Variants in CHD7 observed in about 807,000 individuals in gnomAD.
CHD7 encodes chromodomain helicase DNA binding protein 7.
In CHD7, 24 loss-of-function variants were observed where a neutral mutation model predicts 307.3. The observed-to-expected ratio is 0.08, with a 90% confidence interval of 0.06 to 0.11. CHD7 has a LOEUF of 0.11. Among genes scored for constraint, CHD7 ranks in the 10% least tolerant of loss-of-function variants. The pLI is 1.00. For synonymous variants in CHD7, 1,363 were observed against 1,349.9 expected (o/e 1.01, Z -0.21); for missense variants, 3,106 against 3,727.1 (o/e 0.83, Z 4.34).
intron 1 of CHD7, among the ~76,000 whole-genome samples, chr8:60,728,052 C>A (rs1328466677): frequency 6.6e-6 from 1 of 152,216 alleles, no homozygotes; most frequent in Non-Finnish European, 1.5e-5. Flanking sequence ...AACTGGTCTT[C>A]CAGGCTCCAG....
At chr8:60,811,895 T>A (rs1423288201) in intron 7 of CHD7, among the ~76,000 whole-genome samples, 1 of 152,268 alleles carries the variant, frequency 6.6e-6, no homozygotes, top group Non-Finnish European at 1.5e-5. Context: ...AGTTGAGGTT[T>A]TAATTAGCAT....
At chr8:60,841,612 C>T (rs958419816) in intron 19 of CHD7, 32 bp from the exon 20 acceptor site, 5 of 1,550,824 alleles carry the variant, frequency 3.2e-6, no homozygotes, top group Non-Finnish European at 4.5e-6. Flanking sequence ...AGAAAGGCCT[C>T]TCAAAGTAAT....
intron 2 of CHD7, among the ~76,000 whole-genome samples, chr8:60,748,648 C>T (rs78115374): frequency 0.015 from 2,255 of 152,294 alleles, 19 homozygotes; most frequent in Middle Eastern, 0.054. Flanking sequence ...GTGGATTGTT[C>T]TTAAGGTTAC....
rs1064794649 is a variant in CHD7 at position 60,856,818 on chromosome 8, G to A, written c.7538G>A (p.Arg2513Gln). 7.5e-6 allele frequency: 12 copies of A among 1,597,434 alleles called. No individual in the cohort carries two copies. Among genetic ancestry groups the A allele is most frequent in the Admixed American group, 3.5e-5 (2 of 57,236 alleles). The change falls in exon 34 of 38, where the codon CGG (arginine) becomes CAG (glutamine). Residue 2513 changes from arginine (R) to glutamine (Q), a missense_variant. By Grantham distance (43) the Arg-to-Gln change is conservative. Coordinates refer to ENST00000423902, the MANE Select transcript of CHD7 (RefSeq NM_017780.4). Reference protein sequence around the residue: ...VDGEPPMKRRRGRRKNVEGLD... With the variant: ...VDGEPPMKRRQGRRKNVEGLD... ...GGAGAGCCTCCCATGAAGAGGAGGCGGGGAAGGAGGAAAAATGTGGAGGGA... is the reference window on the plus strand; with the variant it reads ...GGAGAGCCTCCCATGAAGAGGAGGCAGGGAAGGAGGAAAAATGTGGAGGGA...
chr8:60,862,335 A>G lies in CHD7; in HGVS notation c.7970A>G (p.Lys2657Arg), dbSNP rs768936388. ...GTTGTCAATAAACGAAATGGGAAGA[A>G]GGTAAACGCTGGGAAAGGGAATTGA... The part of the protein sequence containing the change: ...VPVVNKRNGK[K>R]MGGAMAPPMK... The change falls in exon 36 of 38, where the codon AAG (lysine) becomes AGG (arginine). Residue 2657 changes from lysine (K) to arginine (R), a missense_variant and splice_region_variant. By Grantham distance (26) the Lys-to-Arg change is conservative. Coordinates refer to ENST00000423902, the MANE Select transcript of CHD7 (RefSeq NM_017780.4). The G allele has an allele frequency of 1.2e-6, 2 of 1,600,258 alleles. No individual in the cohort carries two copies. The highest frequency in any genetic ancestry group is 1.7e-6 in the Non-Finnish European group (2 of 1,173,790).
In CHD7 at chr8:60,816,573, C is replaced by T. The variant is rs1803759254; in HGVS notation, c.2613+72C>T. On this transcript the variant is annotated intron_variant, in intron 8 of 37. Coordinates refer to ENST00000423902, the MANE Select transcript of CHD7 (RefSeq NM_017780.4). Reference sequence around the variant, plus strand: ...TGTTCTAAATTTAAAATTTTAGTTCCATGAATTAAGAAAAACTAGTTAGTC... The same window carrying T: ...TGTTCTAAATTTAAAATTTTAGTTCTATGAATTAAGAAAAACTAGTTAGTC... 4.4e-6 allele frequency: 4 copies of T among 913,706 alleles called. No homozygotes were observed. The South Asian group carries it at 6.3e-5, about 14-fold the overall frequency. 56.6% of individuals were successfully genotyped at this position (913,706 alleles called of 1,614,324 possible).
rs1029330048 is a variant in CHD7, at chr8:60,680,918, C to T, written c.-175+1836C>T. 2.0e-5 allele frequency among the ~76,000 whole-genome samples: 3 copies of T among 152,152 alleles called. No individual in the cohort carries two copies. The South Asian group carries it at 6.2e-4, about 31-fold the overall frequency. Reference sequence around the variant, plus strand: ...GGGGCTTAATTTCTGGAATACATTACATGTCTTAATTTATTTTTAAAGGAT... The same window carrying T: ...GGGGCTTAATTTCTGGAATACATTATATGTCTTAATTTATTTTTAAAGGAT... On this transcript the variant is annotated intron_variant, in intron 1 of 37. Transcript: ENST00000423902.
intron 6 of CHD7, among the ~76,000 whole-genome samples, chr8:60,802,034 A>C (rs1812338387): frequency 6.6e-6 from 1 of 152,188 alleles, no homozygotes; most frequent in African/African-American, 2.4e-5. Flanking sequence ...TCTCATATAC[A>C]ATTGAATTAT....
chr8:60,753,887 A>G (rs751712441), intron 2 of CHD7, among the ~76,000 whole-genome samples: 1 of 151,994 alleles, frequency 6.6e-6, no homozygotes, highest in Non-Finnish European at 1.5e-5. Context: ...AGCCTCCCAA[A>G]GTGCTGGGTT....
intron 15 of CHD7, among the ~76,000 whole-genome samples, chr8:60,832,726 T>G (rs1333758713): frequency 2.0e-5 from 3 of 152,220 alleles, no homozygotes; most frequent in Non-Finnish European, 2.9e-5. Context: ...CCCTGTTTGG[T>G]CATATGTTAA....
intron 1 of CHD7, among the ~76,000 whole-genome samples, chr8:60,726,843 A>T (rs1808185842): frequency 6.6e-6 from 1 of 152,192 alleles, no homozygotes; most frequent in Non-Finnish European, 1.5e-5. Flanking sequence ...TCCTTCAGCC[A>T]TCTGCACCCA....
At chr8:60,730,899 A>G (rs1808419574) in intron 1 of CHD7, among the ~76,000 whole-genome samples, 1 of 152,208 alleles carries the variant, frequency 6.6e-6, no homozygotes, top group African/African-American at 2.4e-5. Context: ...AATTCCAGAA[A>G]TAACTCCTAA....
chr8:60,727,944 C>T (rs1229136459), intron 1 of CHD7, among the ~76,000 whole-genome samples: 1 of 152,222 alleles, frequency 6.6e-6, no homozygotes, highest in Non-Finnish European at 1.5e-5. Context: ...GTTGTCATCC[C>T]AGACTCTCCA....
chr8:60,798,093 TGA>T (rs1278539108), intron 4 of CHD7, among the ~76,000 whole-genome samples: 1 of 152,224 alleles, frequency 6.6e-6, no homozygotes. Context: ...CAAGGTCACA[TGA>T]TAAGAGTCGG....
Position 60,722,477 on chromosome 8 carries a change from G to A in CHD7, c.-174-18782G>A, listed in dbSNP as rs1206372318. On this transcript the variant is annotated intron_variant, in intron 1 of 37. Coordinates refer to ENST00000423902, the MANE Select transcript of CHD7 (RefSeq NM_017780.4). ...AATGTTATCAACCAGTAATAAGGTTGCAAATCATTTAGAGCTATGGTTTTC... is the reference window on the plus strand; with the variant it reads ...AATGTTATCAACCAGTAATAAGGTTACAAATCATTTAGAGCTATGGTTTTC... 3.3e-5 allele frequency among the ~76,000 whole-genome samples: 5 copies of A among 152,296 alleles called. No homozygotes were observed. In the South Asian group the frequency reaches 1.0e-3, roughly 32 times the overall value.
chr8:60,810,727 T>C (rs762516199), intron 7 of CHD7, among the ~76,000 whole-genome samples: 1 of 152,200 alleles, frequency 6.6e-6, no homozygotes, highest in Non-Finnish European at 1.5e-5. Flanking sequence ...TTTGAGGGCA[T>C]AGGGACTAAA....
chr8:60,754,701 T>C, intron 2 of CHD7, among the ~76,000 whole-genome samples: 1 of 152,234 alleles, frequency 6.6e-6, no homozygotes, highest in East Asian at 1.9e-4. Context: ...AAATACTAGC[T>C]GCTTTCTAAG....
intron 8 of CHD7, among the ~76,000 whole-genome samples, chr8:60,819,120 AT>A (rs1803898295): frequency 6.6e-6 from 1 of 151,846 alleles, no homozygotes; most frequent in Non-Finnish European, 1.5e-5. Flanking sequence ...TGCCCAGCTT[AT>A]TTTTTGTATT....
intron 9 of CHD7, among the ~76,000 whole-genome samples, chr8:60,820,980 T>C (rs535116962): frequency 6.6e-6 from 1 of 152,238 alleles, no homozygotes; most frequent in East Asian, 1.9e-4. Flanking sequence ...CAAACCCAAG[T>C]GTTTTCTAGA....
Sources: allele counts gnomAD v4.1 joint callset (sites outside exome capture counted in the v4.1 genomes callset), GRCh38; gene constraint gnomAD v4.1.1; transcripts MANE v1.5; gene names NCBI Gene and HGNC (gene_info 2026-07-23, HGNC 2026-07-21).